Variants in MARCHF1 observed in about 807,000 individuals in gnomAD.
MARCHF1 encodes E3 ubiquitin-protein ligase MARCHF1.
In MARCHF1, 40 loss-of-function variants were observed where a neutral mutation model predicts 54.2. The ratio of observed to expected loss-of-function variants is 0.74; its 90% confidence interval spans 0.57 to 0.96. The LOEUF (loss-of-function observed/expected upper bound fraction) is 0.96, where lower values mean the gene tolerates loss of function less well. Ranked by LOEUF, MARCHF1 falls within the 40% of genes least tolerant of loss-of-function variation. MARCHF1 has a pLI of 0.00. For missense variants in MARCHF1, 586 were observed against 656.5 expected (o/e 0.89, Z 1.17); for synonymous variants, 236 against 236.3 (o/e 1.00, Z 0.01).
At chr4:164,116,854 T>C (rs544794807) in intron 1 of MARCHF1, among the ~76,000 whole-genome samples, 2 of 152,130 alleles carry the variant, frequency 1.3e-5, no homozygotes, top group African/African-American at 4.8e-5. Context: ...TTATCCCAAG[T>C]AGAAAATTCC....
intron 1 of MARCHF1, among the ~76,000 whole-genome samples, chr4:164,147,625 G>A (rs1169820291): frequency 5.0e-5 from 7 of 141,228 alleles, no homozygotes; most frequent in African/African-American, 1.9e-4. Context: ...TGAACAATGA[G>A]AACACATGGA....
At chr4:164,219,822 C>T (rs1732040209) in intron 1 of MARCHF1, among the ~76,000 whole-genome samples, 1 of 151,942 alleles carries the variant, frequency 6.6e-6, no homozygotes, top group African/African-American at 2.4e-5. Context: ...TACACTAGGA[C>T]ATTATTTAAC....
At chr4:164,351,538 T>G (rs1239695083) in intron 1 of MARCHF1, among the ~76,000 whole-genome samples, 4 of 152,018 alleles carry the variant, frequency 2.6e-5, no homozygotes. Context: ...CCAACAGACC[T>G]GCAGCTGACA....
chr4:163,846,147 T>C (rs1344015013), intron 4 of MARCHF1, among the ~76,000 whole-genome samples: 1 of 152,102 alleles, frequency 6.6e-6, no homozygotes, highest in Admixed American at 6.6e-5. Flanking sequence ...TGATACATGA[T>C]TGAATAAGAA....
chr4:163,627,824 A>G (rs986177070), intron 5 of MARCHF1, among the ~76,000 whole-genome samples: 1 of 147,834 alleles, frequency 6.8e-6, no homozygotes, highest in African/African-American at 2.5e-5. Flanking sequence ...AGATAACTCA[A>G]TGAGGAAAGG....
chr4:164,232,879 GTGC>G (rs1344271829), intron 1 of MARCHF1, among the ~76,000 whole-genome samples: 3 of 151,998 alleles, frequency 2.0e-5, no homozygotes, highest in Non-Finnish European at 2.9e-5. Context: ...CTATAGACAC[GTGC>G]TGTATTTTTG....
chr4:163,897,064 C>A (rs1457344491), intron 3 of MARCHF1, among the ~76,000 whole-genome samples: 1 of 152,144 alleles, frequency 6.6e-6, no homozygotes, highest in Non-Finnish European at 1.5e-5. Flanking sequence ...GATAAATATT[C>A]CAACATAGTG....
intron 4 of MARCHF1, among the ~76,000 whole-genome samples, chr4:163,839,552 C>T (rs541418884): frequency 6.6e-6 from 1 of 152,072 alleles, no homozygotes; most frequent in Admixed American, 6.6e-5. Flanking sequence ...ACACATGCTA[C>T]AACATGGATG....
intron 1 of MARCHF1, among the ~76,000 whole-genome samples, chr4:164,336,351 T>C (rs1054317722): frequency 1.3e-5 from 2 of 152,212 alleles, no homozygotes; most frequent in African/African-American, 4.8e-5. Flanking sequence ...AGATAGAATT[T>C]TGCCTTTTGG....
At chr4:163,931,306 TA>T (rs1751668976) in intron 3 of MARCHF1, among the ~76,000 whole-genome samples, 1 of 152,176 alleles carries the variant, frequency 6.6e-6, no homozygotes, top group South Asian at 2.1e-4. Context: ...TATTAACATT[TA>T]AATTGGTGCT....
At chr4:163,724,613 T>G (rs1338745468) in intron 4 of MARCHF1, among the ~76,000 whole-genome samples, 1 of 151,976 alleles carries the variant, frequency 6.6e-6, no homozygotes, top group Non-Finnish European at 1.5e-5. Flanking sequence ...AGAGGTGGAG[T>G]CTACAAAGGC....
intron 1 of MARCHF1, among the ~76,000 whole-genome samples, chr4:164,170,969 A>T (rs1328980405): frequency 1.3e-5 from 2 of 152,100 alleles, no homozygotes; most frequent in African/African-American, 4.8e-5. Context: ...AGAAAATCTG[A>T]CAAAATTAAT....
At chr4:164,228,990 T>C (rs190779414) in intron 1 of MARCHF1, among the ~76,000 whole-genome samples, 296 of 152,296 alleles carry the variant, frequency 1.9e-3, no homozygotes, top group Non-Finnish European at 3.6e-3. Flanking sequence ...GAGTACATGC[T>C]AAGGCAGGGG....
chr4:163,855,390 A>G (rs1749743878), intron 3 of MARCHF1, among the ~76,000 whole-genome samples: 1 of 152,182 alleles, frequency 6.6e-6, no homozygotes, highest in Non-Finnish European at 1.5e-5. Flanking sequence ...TTTCAAACAC[A>G]TTGCTTGAGA....
intron 1 of MARCHF1, among the ~76,000 whole-genome samples, chr4:164,362,820 C>G (rs1468765446): frequency 6.6e-6 from 1 of 152,036 alleles, no homozygotes; most frequent in Non-Finnish European, 1.5e-5. Context: ...TTCCTCTGTT[C>G]CAATTTCTCA....
intron 4 of MARCHF1, among the ~76,000 whole-genome samples, chr4:163,748,504 T>C (rs1326861195): frequency 2.6e-5 from 4 of 152,128 alleles, no homozygotes; most frequent in African/African-American, 9.7e-5. Flanking sequence ...ATTGATTCAC[T>C]GTTCCTCAAG....
intron 1 of MARCHF1, among the ~76,000 whole-genome samples, chr4:164,250,836 C>T (rs1016885565): frequency 6.6e-6 from 1 of 152,056 alleles, no homozygotes; most frequent in Non-Finnish European, 1.5e-5. Context: ...GAGGAAGACT[C>T]CATCAAACCC....
chr4:164,211,274 TTATG>T (rs1301891011), intron 1 of MARCHF1, among the ~76,000 whole-genome samples: 1 of 84,462 alleles, frequency 1.2e-5, no homozygotes, highest in Admixed American at 1.3e-4. Context: ...GATTTAATCT[TTATG>T]TATATATATA....
At chr4:163,839,659 A>G (rs1054166515) in intron 4 of MARCHF1, among the ~76,000 whole-genome samples, 1 of 152,270 alleles carries the variant, frequency 6.6e-6, no homozygotes, top group African/African-American at 2.4e-5. Context: ...ACACATCTAC[A>G]GAGACAAAGT....
Sources: gnomAD v4.1 joint callset for allele counts (sites outside exome capture counted in the v4.1 genomes callset) on GRCh38, gnomAD v4.1.1 for gene constraint, MANE v1.5 for transcripts, NCBI Gene and HGNC (gene_info 2026-07-23, HGNC 2026-07-21) for gene names.